Variants in RB1 observed in about 807,000 individuals in gnomAD.
RB1 encodes the protein RB transcriptional corepressor 1, also known as retinoblastoma-associated protein.
RB1 carries 18 observed loss-of-function variants against 135.4 expected under a neutral mutation model. That is an observed-to-expected ratio of 0.13 (90% confidence interval 0.09 to 0.20). The LOEUF is 0.20. RB1 is among the 10% of genes least tolerant of loss of function. RB1 has a pLI of 1.00. For synonymous variants in RB1, 365 were observed against 373.2 expected, an observed-to-expected ratio of 0.98 and a Z score of 0.25; for missense variants, 868 against 1,110.0, an observed-to-expected ratio of 0.78 and a Z score of 3.10.
At chr13:48,318,227 G>T in intron 2 of RB1, 3 of 652,678 alleles carry the variant, frequency 4.6e-6, no homozygotes, top group South Asian at 2.0e-5. Context: ...TCTTGGACTT[G>T]GAGAGTCAGC....
chr13:48,445,000 TTAA>T (rs1949274509), intron 17 of RB1: 1 of 136,316 alleles, frequency 7.3e-6, no homozygotes, highest in African/African-American at 2.5e-5. Flanking sequence ...TTTTTTTTTT[TTAA>T]TTTCACAGAT....
chr13:48,328,241 AG>A, intron 2 of RB1: 1 of 1,457,970 alleles, frequency 6.9e-7, no homozygotes, highest in Non-Finnish European at 9.6e-7. Flanking sequence ...TTGCTTCTGG[AG>A]GCCTTTCCTC....
At chr13:48,379,048 G>A (rs1007135028) in intron 13 of RB1, among the ~76,000 whole-genome samples, 1 of 152,128 alleles carries the variant, frequency 6.6e-6, no homozygotes, top group Non-Finnish European at 1.5e-5. Context: ...TTTTGCCTGT[G>A]TCAGTTTTAC....
At chr13:48,310,582 T>C (rs2138039330) in intron 2 of RB1, among the ~76,000 whole-genome samples, 1 of 152,294 alleles carries the variant, frequency 6.6e-6, no homozygotes, top group East Asian at 1.9e-4. Context: ...GTATGTATAT[T>C]AGGTCTTGCA....
intron 7 of RB1, 171 bp downstream of exon 7, chr13:48,360,298 C>G (rs1367526630): frequency 1.4e-6 from 2 of 1,384,674 alleles, no homozygotes; most frequent in Non-Finnish European, 1.9e-6. Context: ...GACATGGAAA[C>G]AAATGATTAG....
At chr13:48,460,805 T>G (rs984267907) in intron 20 of RB1, among the ~76,000 whole-genome samples, 3 of 151,904 alleles carry the variant, frequency 2.0e-5, no homozygotes, top group African/African-American at 7.3e-5. Flanking sequence ...TACAAAAAAT[T>G]TAAAAATTAG....
At chr13:48,389,433 T>C (rs990094159) in intron 17 of RB1, 2 of 151,990 alleles carry the variant, frequency 1.3e-5, no homozygotes, top group Admixed American at 6.6e-5. Context: ...AATAAAGATA[T>C]AACAGAAGTA....
chr13:48,325,003 G>T (rs1952275116), intron 2 of RB1, among the ~76,000 whole-genome samples: 1 of 151,282 alleles, frequency 6.6e-6, no homozygotes, highest in Non-Finnish European at 1.5e-5. Context: ...TTTAAGTTCA[G>T]GGGTACATGT....
At chr13:48,432,023 A>G (rs571089879) in intron 17 of RB1, among the ~76,000 whole-genome samples, 1 of 152,334 alleles carries the variant, frequency 6.6e-6, no homozygotes, top group East Asian at 1.9e-4. Flanking sequence ...ACAATCAATA[A>G]ATAAACAATT....
chr13:48,397,134 C>T (rs929626382), intron 17 of RB1, among the ~76,000 whole-genome samples: 1 of 152,152 alleles, frequency 6.6e-6, no homozygotes, highest in African/African-American at 2.4e-5. Flanking sequence ...ACCCAGTAAT[C>T]CCATTACTGA....
Position 48,365,121 on chromosome 13 carries a change from C to T in RB1, c.939+150C>T, listed in dbSNP as rs914683586. ...CCAAGTAGAATTGTGGTGAAACTAA[C>T]TTTTGTATAGTAACAAAAAGCTTTT... On this transcript the variant is annotated intron_variant, in intron 9 of 26. Coordinates refer to ENST00000267163, the MANE Select transcript of RB1 (RefSeq NM_000321.3). 4.1e-6 allele frequency: 4 copies of T among 976,158 alleles called. No homozygotes were observed. In the African/African-American group the frequency reaches 6.6e-5, roughly 16 times the overall value. 60.5% of individuals were successfully genotyped at this position (976,158 alleles called of 1,614,324 possible). A position where few individuals can be genotyped will look rare whatever the true frequency, so the allele number is the denominator to read the frequency against.
At chr13:48,444,680 G>C (rs1267305779) in intron 17 of RB1, 1 of 152,314 alleles carries the variant, frequency 6.6e-6, no homozygotes, top group Non-Finnish European at 1.5e-5. Context: ...CATGTGTTCA[G>C]CTATCCAGAA....
chr13:48,422,963 A>G (rs1342992420), intron 17 of RB1, among the ~76,000 whole-genome samples: 1 of 152,008 alleles, frequency 6.6e-6, no homozygotes, highest in African/African-American at 2.4e-5. Context: ...CAACATAGTG[A>G]CACCCTGTTT....
At chr13:48,478,754 T>G (rs4151628) in intron 26 of RB1, among the ~76,000 whole-genome samples, 7,604 of 152,214 alleles carry the variant, frequency 0.05, 628 homozygotes, top group African/African-American at 0.17. Context: ...AAGAATTACA[T>G]TTAGAAAAGA....
intron 6 of RB1, 51 bp from the exon 7 acceptor site, chr13:48,359,962 TCATA>T: frequency 1.2e-6 from 2 of 1,601,592 alleles, no homozygotes; most frequent in Non-Finnish European, 1.7e-6. Context: ...CGATTTTCTC[TCATA>T]CAAAGATCTG....
At chr13:48,346,099 C>CTTT (rs35882805) in intron 4 of RB1, among the ~76,000 whole-genome samples, 3,227 of 117,004 alleles carry the variant, frequency 0.028, 154 homozygotes, top group African/African-American at 0.094. Flanking sequence ...CATTGGCCAT[C>CTTT]TTTTTTTTTT....
chr13:48,400,712 G>T (rs1391973662), intron 17 of RB1, among the ~76,000 whole-genome samples: 1 of 152,040 alleles, frequency 6.6e-6, no homozygotes. Flanking sequence ...TGTATCTCAG[G>T]TTTCCTTGTA....
intron 17 of RB1, among the ~76,000 whole-genome samples, chr13:48,413,431 G>GT (rs1182928984): frequency 6.6e-6 from 1 of 152,142 alleles, no homozygotes; most frequent in African/African-American, 2.4e-5. Context: ...TTGTTTTCGT[G>GT]TTTGGGATAT....
chr13:48,402,117 A>T (rs527563492), intron 17 of RB1, among the ~76,000 whole-genome samples: 45 of 152,286 alleles, frequency 3.0e-4, no homozygotes, highest in African/African-American at 1.0e-3. Flanking sequence ...TGAGTCATAA[A>T]CAAAAATGAA....
Sources: gnomAD v4.1 joint callset for allele counts (sites outside exome capture counted in the v4.1 genomes callset) on GRCh38, gnomAD v4.1.1 for gene constraint, MANE v1.5 for transcripts, NCBI Gene and HGNC (gene_info 2026-07-23, HGNC 2026-07-21) for gene names.